The following XRN1 variants were observed in gnomAD, a reference collection of about 807,000 sequenced individuals.
XRN1 encodes strand-exchange protein 1 homolog.
A neutral mutation model predicts 222.3 loss-of-function variants in XRN1; 67 were observed. That is an observed-to-expected ratio of 0.30 (90% CI 0.25 to 0.37). The LOEUF is 0.37. Among genes scored for constraint, XRN1 ranks in the 10% least tolerant of loss-of-function variants. The pLI, the probability that XRN1 is intolerant of heterozygous loss-of-function variation, is 1.00. For synonymous variants in XRN1, 643 were observed against 652.4 expected, an observed-to-expected ratio of 0.99 and a Z score of 0.22; for missense variants, 1,707 against 2,000.2, an observed-to-expected ratio of 0.85 and a Z score of 2.80.
intron 35 of XRN1, chr3:142,332,752 C>A: frequency 2.6e-6 from 2 of 757,742 alleles, no homozygotes; most frequent in Non-Finnish European, 2.0e-6. Context: ...TCCCAGTTAC[C>A]TAGTAGCAAT....
chr3:142,376,468 C>T lies in XRN1; in HGVS notation c.2831+11G>A. The T allele has an allele frequency of 1.3e-6, 2 of 1,585,334 alleles. No individual in the cohort carries two copies. Among genetic ancestry groups the T allele is most frequent in the South Asian group, 1.1e-5 (1 of 89,608 alleles). On this transcript the variant is annotated intron_variant, in intron 24 of 40. Coordinates refer to ENST00000392981, the MANE Select transcript of XRN1 (RefSeq NM_001282857.2). ...TGCCACTTTAAGTAAATTTCTCTAA[C>T]ATAAACTTACTTTCTCCTAGATCCT... is the stretch of plus-strand genomic sequence containing the variant.
chr3:142,343,731 G>C (rs1163957099), intron 33 of XRN1, among the ~76,000 whole-genome samples: 1 of 152,100 alleles, frequency 6.6e-6, no homozygotes. Context: ...CTCACTGCTA[G>C]GTATATACCC....
intron 33 of XRN1, among the ~76,000 whole-genome samples, chr3:142,344,755 G>A (rs528183428): frequency 5.9e-5 from 9 of 152,176 alleles, no homozygotes; most frequent in South Asian, 2.1e-4. Flanking sequence ...ATTAAAGACC[G>A]AAATAAATGG....
At position 142,310,679 on chromosome 3, in the gene XRN1, T is replaced by C. The variant is rs2065055771; in HGVS notation, c.*832A>G. 1 of 152,570 alleles carries C rather than the reference T, an allele frequency of 6.6e-6. No homozygotes were observed. The highest frequency in any genetic ancestry group is 1.5e-5 in the Non-Finnish European group (1 of 68,022). The allele number at this position is 152,570 out of a possible 1,614,324, so 9.5% of individuals were successfully genotyped here. ...TAAAAAGCTATACAAAATAATACAG[T>C]TTATTAATTAACATGACTAATATTT... On this transcript the variant is annotated 3_prime_UTR_variant, in exon 41 of 41. Coordinates refer to ENST00000392981, the MANE Select transcript of XRN1 (RefSeq NM_001282857.2).
At chr3:142,316,565 T>A (rs2065216509) in intron 39 of XRN1, among the ~76,000 whole-genome samples, 1 of 152,206 alleles carries the variant, frequency 6.6e-6, no homozygotes, top group Non-Finnish European at 1.5e-5. Context: ...TTCCCATTGC[T>A]CATCTATTAA....
At chr3:142,329,939 G>A (rs1448703337) in intron 36 of XRN1, among the ~76,000 whole-genome samples, 1 of 152,146 alleles carries the variant, frequency 6.6e-6, no homozygotes, top group Admixed American at 6.5e-5. Flanking sequence ...TTAAAAAGAT[G>A]AGTCTTCCAT....
intron 15 of XRN1, among the ~76,000 whole-genome samples, chr3:142,409,325 C>T (rs932503299): frequency 2.0e-5 from 3 of 152,164 alleles, no homozygotes; most frequent in Non-Finnish European, 4.4e-5. Context: ...AGATCTATGA[C>T]ATATTTTGAA....
Position 142,403,659 on chromosome 3 carries a change from A to G in XRN1, c.2103+15T>C, listed in dbSNP as rs376822930. 252 of 1,605,684 alleles carry G rather than the reference A, an allele frequency of 1.6e-4. No homozygotes were observed. Among genetic ancestry groups the G allele is most frequent in the Non-Finnish European group, 2.1e-4 (242 of 1,173,388 alleles). On this transcript the variant is annotated intron_variant, in intron 18 of 40. Transcript: ENST00000392981. Reference sequence around the variant, plus strand: ...TATAGGCATCTAATAAATGAATGATAAATAAAATACTTACAAGTTCATCTG... The same window carrying G: ...TATAGGCATCTAATAAATGAATGATGAATAAAATACTTACAAGTTCATCTG...
At chr3:142,312,799 T>C in intron 39 of XRN1, 41 bp from the exon 40 acceptor site, 5 of 1,571,044 alleles carry the variant, frequency 3.2e-6, no homozygotes, top group Non-Finnish European at 4.3e-6. Context: ...AGTAAAATGG[T>C]ATCATCAAAG....
At chr3:142,371,153 A>T in intron 26 of XRN1, 86 bp downstream of exon 26, 5 of 1,024,762 alleles carry the variant, frequency 4.9e-6, no homozygotes, top group Non-Finnish European at 5.7e-6. Context: ...AAAAAGTAAT[A>T]TGAAATTCTT....
intron 20 of XRN1, among the ~76,000 whole-genome samples, chr3:142,387,888 C>T (rs367701637): frequency 6.6e-6 from 1 of 152,094 alleles, no homozygotes; most frequent in Non-Finnish European, 1.5e-5. Flanking sequence ...CTCCCTACCC[C>T]TCTCTTGCTT....
intron 32 of XRN1, among the ~76,000 whole-genome samples, chr3:142,348,249 G>A (rs2066205486): frequency 6.6e-6 from 1 of 152,060 alleles, no homozygotes; most frequent in Non-Finnish European, 1.5e-5. Flanking sequence ...AATTGAGGAT[G>A]TTAGCACACT....
chr3:142,324,227 C>T (rs946466447), intron 37 of XRN1, among the ~76,000 whole-genome samples: 15 of 148,698 alleles, frequency 1.0e-4, no homozygotes, highest in Middle Eastern at 3.4e-3. Flanking sequence ...GGTATCTCTC[C>T]TAATGCTATC....
At chr3:142,431,155 T>G (rs1472782306) in intron 2 of XRN1, among the ~76,000 whole-genome samples, 1 of 152,250 alleles carries the variant, frequency 6.6e-6, no homozygotes, top group Non-Finnish European at 1.5e-5. Context: ...CAGGGCAGAC[T>G]ACTATTGGAG....
intron 33 of XRN1, among the ~76,000 whole-genome samples, chr3:142,336,112 A>T (rs1380123682): frequency 6.6e-6 from 1 of 152,152 alleles, no homozygotes; most frequent in Non-Finnish European, 1.5e-5. Flanking sequence ...GAAAAGAATG[A>T]ATTTGAAAAA....
At chr3:142,418,931 T>C (rs1198222036) in intron 10 of XRN1, 50 bp from the exon 11 acceptor site, 1 of 1,548,810 alleles carries the variant, frequency 6.5e-7, no homozygotes, top group Middle Eastern at 1.7e-4. Context: ...CATTTCAAAA[T>C]GAGATGTCAT....
chr3:142,376,230 T>C, intron 24 of XRN1: 1 of 625,778 alleles, frequency 1.6e-6, no homozygotes, highest in Non-Finnish European at 2.6e-6. Context: ...ACTACTGAGG[T>C]TCACACACAC....
chr3:142,335,055 G>C (rs556037081), intron 34 of XRN1, among the ~76,000 whole-genome samples: 1 of 151,962 alleles, frequency 6.6e-6, no homozygotes, highest in South Asian at 2.1e-4. Flanking sequence ...TGGCAAGGCT[G>C]GTCTCGAACT....
chr3:142,421,439 C>T, intron 9 of XRN1, 37 bp downstream of exon 9: 1 of 1,530,380 alleles, frequency 6.5e-7, no homozygotes, highest in Non-Finnish European at 8.9e-7. Flanking sequence ...TTTACAGCTA[C>T]TCTGCGACAG....
Sources: gnomAD v4.1 joint callset for allele counts (sites outside exome capture counted in the v4.1 genomes callset) on GRCh38, gnomAD v4.1.1 for gene constraint, MANE v1.5 for transcripts, NCBI Gene and HGNC (gene_info 2026-07-23, HGNC 2026-07-21) for gene names.